TMEM117: variants seen among roughly 807,000 people sequenced by gnomAD.
TMEM117 encodes transmembrane protein 117.
A neutral mutation model predicts 52.4 loss-of-function variants in TMEM117; 27 were observed. The ratio of observed to expected loss-of-function variants is 0.51; its 90% CI spans 0.38 to 0.71. The LOEUF is 0.71. Ranked by LOEUF, TMEM117 falls within the 30% of genes least tolerant of loss-of-function variation. The pLI is 0.00. For synonymous variants in TMEM117, 215 were observed against 206.3 expected, an observed-to-expected ratio of 1.04 and a Z score of -0.36; for missense variants, 556 against 630.5, an observed-to-expected ratio of 0.88 and a Z score of 1.26.
At chr12:44,071,464 T>C (rs1947300758) in intron 3 of TMEM117, among the ~76,000 whole-genome samples, 1 of 152,226 alleles carries the variant, frequency 6.6e-6, no homozygotes, top group Non-Finnish European at 1.5e-5. Context: ...TTTTAACCTA[T>C]GAAGCTGCAA....
At chr12:44,100,151 T>C (rs1176584203) in intron 3 of TMEM117, among the ~76,000 whole-genome samples, 3 of 152,014 alleles carry the variant, frequency 2.0e-5, no homozygotes, top group Admixed American at 1.3e-4. Flanking sequence ...GTTTATATTA[T>C]GTAGTGTACT....
At chr12:44,117,922 G>C (rs934966865) in intron 3 of TMEM117, among the ~76,000 whole-genome samples, 2 of 151,650 alleles carry the variant, frequency 1.3e-5, no homozygotes, top group Non-Finnish European at 2.9e-5. Context: ...CAATTGTTTT[G>C]TTTGTAAATA....
chr12:43,805,912 G>T, the TMEM117 span: 1 of 1,495,052 alleles, frequency 6.7e-7, no homozygotes, highest in South Asian at 1.1e-5. Context: ...GGGAAAGTTG[G>T]GCGACTGTCG....
intron 3 of TMEM117, among the ~76,000 whole-genome samples, chr12:44,083,998 C>G (rs1313900360): frequency 1.3e-5 from 2 of 151,998 alleles, no homozygotes; most frequent in Non-Finnish European, 2.9e-5. Context: ...ACAACTGTTT[C>G]AAAATGTTAT....
intron 3 of TMEM117, among the ~76,000 whole-genome samples, chr12:44,068,688 A>T (rs954286323): frequency 6.6e-6 from 1 of 152,180 alleles, no homozygotes; most frequent in African/African-American, 2.4e-5. Context: ...CTGATCACAG[A>T]TTACTATAAC....
At chr12:44,221,474 T>C (rs1471898560) in intron 5 of TMEM117, among the ~76,000 whole-genome samples, 2 of 152,112 alleles carry the variant, frequency 1.3e-5, no homozygotes, top group Non-Finnish European at 2.9e-5. Flanking sequence ...TAGGGATAAA[T>C]CAAATGTGCA....
chr12:43,861,855 G>C (rs1322287361), intron 2 of TMEM117, among the ~76,000 whole-genome samples: 1 of 152,098 alleles, frequency 6.6e-6, no homozygotes, highest in East Asian at 1.9e-4. Flanking sequence ...TTCTGATGGG[G>C]GAAAATATAC....
intron 6 of TMEM117, among the ~76,000 whole-genome samples, chr12:44,302,867 T>G (rs369035171): frequency 1.3e-5 from 2 of 152,178 alleles, no homozygotes; most frequent in South Asian, 4.1e-4. Flanking sequence ...CACAACCAAC[T>G]AAACTGTGTT....
intron 5 of TMEM117, among the ~76,000 whole-genome samples, chr12:44,215,457 T>G (rs79260132): frequency 0.016 from 2,373 of 151,532 alleles, 24 homozygotes; most frequent in Middle Eastern, 0.027. Context: ...CAAAGCCCTT[T>G]CCGTAGTCCT....
At chr12:44,070,823 T>C (rs1947290817) in intron 3 of TMEM117, among the ~76,000 whole-genome samples, 1 of 152,216 alleles carries the variant, frequency 6.6e-6, no homozygotes, top group East Asian at 1.9e-4. Context: ...AGAAGCCACC[T>C]GGTCTCTGCA....
intron 5 of TMEM117, among the ~76,000 whole-genome samples, chr12:44,229,214 A>T (rs747623628): frequency 2.0e-4 from 30 of 152,084 alleles, no homozygotes; most frequent in Non-Finnish European, 4.0e-4. Flanking sequence ...CTTTGGACAG[A>T]TGCCTGCTAG....
rs181694523 is a variant in TMEM117 at position 44,287,179 on chromosome 12, C to A, written c.609-12401C>A. Among the ~76,000 whole-genome samples, 22 of 152,158 alleles carry A rather than the reference C, an allele frequency of 1.4e-4. 1 individual carries two copies. Among genetic ancestry groups the A allele is most frequent in the Admixed American group, 1.2e-3 (18 of 15,270 alleles). ...CTATTAACCTAAGAGGTATTAGCAACAATTGAGGAAAAGGAAATAGACTAA... is the reference window on the plus strand; with the variant it reads ...CTATTAACCTAAGAGGTATTAGCAAAAATTGAGGAAAAGGAAATAGACTAA... On this transcript the variant is annotated intron_variant, in intron 5 of 7. Transcript: ENST00000266534.
At chr12:44,217,907 GTTGCAACAA>G (rs1311653291) in intron 5 of TMEM117, among the ~76,000 whole-genome samples, 1 of 152,106 alleles carries the variant, frequency 6.6e-6, no homozygotes, top group Non-Finnish European at 1.5e-5. Flanking sequence ...GATGAACAGA[GTTGCAACAA>G]TTGCTTAAAA....
chr12:44,314,708 A>G (rs779672048), intron 6 of TMEM117, among the ~76,000 whole-genome samples: 4 of 151,906 alleles, frequency 2.6e-5, no homozygotes, highest in African/African-American at 4.8e-5. Flanking sequence ...CTGGGACTAC[A>G]GGCTAGTTTT....
chr12:43,812,445 C>T, the TMEM117 span, among the ~76,000 whole-genome samples: 1 of 152,190 alleles, frequency 6.6e-6, no homozygotes, highest in African/African-American at 2.4e-5. Context: ...TCTTTACTCA[C>T]TGCAATGCAG....
intron 5 of TMEM117, among the ~76,000 whole-genome samples, chr12:44,215,933 C>T (rs1261024731): frequency 6.6e-6 from 1 of 151,192 alleles, no homozygotes; most frequent in East Asian, 1.9e-4. Flanking sequence ...TGGCATGTGC[C>T]ATATCTAGGT....
At chr12:43,898,891 G>A (rs941460228) in intron 2 of TMEM117, among the ~76,000 whole-genome samples, 9 of 152,168 alleles carry the variant, frequency 5.9e-5, no homozygotes, top group Non-Finnish European at 1.0e-4. Flanking sequence ...AAAAGTAACC[G>A]ATCTGACAGA....
intron 2 of TMEM117, among the ~76,000 whole-genome samples, chr12:43,859,096 T>C (rs1592312218): frequency 6.6e-6 from 1 of 152,340 alleles, no homozygotes; most frequent in East Asian, 1.9e-4. Flanking sequence ...TGTTACATTT[T>C]CAGCCAATCT....
At chr12:44,054,807 A>G (rs1458905192) in intron 3 of TMEM117, among the ~76,000 whole-genome samples, 1 of 150,310 alleles carries the variant, frequency 6.7e-6, no homozygotes, top group African/African-American at 2.5e-5. Context: ...TTTGTTACAT[A>G]TGTATACATG....
Sources: allele counts gnomAD v4.1 joint callset (sites outside exome capture counted in the v4.1 genomes callset), GRCh38; gene constraint gnomAD v4.1.1; transcripts MANE v1.5; gene names NCBI Gene and HGNC (gene_info 2026-07-23, HGNC 2026-07-21).